The following SMCHD1 variants were observed in gnomAD, a reference collection of about 807,000 sequenced individuals.
SMCHD1 encodes the protein structural maintenance of chromosomes flexible hinge domain containing 1, also known as structural maintenance of chromosomes flexible hinge domain-containing protein 1.
In SMCHD1, 78 loss-of-function variants were observed where a neutral mutation model predicts 254.7. That is an observed-to-expected ratio of 0.31 (90% CI 0.26 to 0.37). The LOEUF is 0.37. Among genes scored for constraint, SMCHD1 ranks in the 10% least tolerant of loss-of-function variants. The pLI is 1.00. For missense variants in SMCHD1, 1,840 were observed against 2,408.1 expected (o/e 0.76, Z 4.94); for synonymous variants, 766 against 794.9 (o/e 0.96, Z 0.61).
chr18:2,751,889 C>T (rs773386966), intron 33 of SMCHD1, among the ~76,000 whole-genome samples: 7 of 151,974 alleles, frequency 4.6e-5, no homozygotes, highest in Non-Finnish European at 1.0e-4. Flanking sequence ...CAAAAGTTAC[C>T]ATTTCAACAT....
chr18:2,660,472 GTTTTTTT>G (rs547130890), intron 1 of SMCHD1, among the ~76,000 whole-genome samples: 1 of 126,184 alleles, frequency 7.9e-6, no homozygotes, highest in Admixed American at 8.2e-5. Flanking sequence ...AAAATCCATG[GTTTTTTT>G]TTTTTTTTTT....
At chr18:2,733,797 T>C (rs573974719) in intron 25 of SMCHD1, among the ~76,000 whole-genome samples, 43 of 152,380 alleles carry the variant, frequency 2.8e-4, no homozygotes, top group African/African-American at 8.9e-4. Flanking sequence ...TGTACTTTTT[T>C]CCCTTGATGT....
chr18:2,751,677 A>G (rs1046934425), intron 33 of SMCHD1, among the ~76,000 whole-genome samples: 12 of 152,114 alleles, frequency 7.9e-5, no homozygotes, highest in East Asian at 1.9e-4. Flanking sequence ...GGCAGAAGCT[A>G]TTAAATATGA....
chr18:2,769,255 TG>T (rs2075931928), intron 37 of SMCHD1, among the ~76,000 whole-genome samples: 1 of 152,164 alleles, frequency 6.6e-6, no homozygotes, highest in Non-Finnish European at 1.5e-5. Context: ...TCTATTTCCA[TG>T]TTAACAGCTG....
At chr18:2,713,714 A>T (rs1481650180) in intron 17 of SMCHD1, among the ~76,000 whole-genome samples, 1 of 152,198 alleles carries the variant, frequency 6.6e-6, no homozygotes, top group Non-Finnish European at 1.5e-5. Flanking sequence ...AAATTTTCAT[A>T]TCAATTTTAT....
At chr18:2,731,383 T>C (rs1206601017) in intron 24 of SMCHD1, among the ~76,000 whole-genome samples, 1 of 152,232 alleles carries the variant, frequency 6.6e-6, no homozygotes, top group African/African-American at 2.4e-5. Context: ...TAGCATAATC[T>C]TGGTCTTTTC....
chr18:2,800,847 A>C (rs2076348791), intron 47 of SMCHD1: 1 of 152,226 alleles, frequency 6.6e-6, no homozygotes, highest in Non-Finnish European at 1.5e-5. Context: ...ATATGAGGGT[A>C]GCCAGCAACG....
chr18:2,728,709 C>T lies in SMCHD1; in HGVS notation c.2913+113C>T, dbSNP rs9950040. On this transcript the variant is annotated intron_variant, in intron 23 of 47. Coordinates refer to ENST00000320876, the MANE Select transcript of SMCHD1 (RefSeq NM_015295.3). ...GGATTTAAGTCTGAAACGATTATTC[C>T]GTGGAAGGATTTGTGGGATCTTATT... is the stretch of plus-strand genomic sequence containing the variant. 7,567 of 1,143,118 alleles carry T rather than the reference C, an allele frequency of 6.6e-3. 349 individuals are homozygous for T. In the African/African-American group the frequency reaches 0.11, roughly 16 times the overall value. The allele number at this position is 1,143,118 out of a possible 1,614,324, so 70.8% of individuals were successfully genotyped here.
chr18:2,674,122 C>T lies in SMCHD1; in HGVS notation c.615C>T (p.Phe205=). Reference sequence around the variant, plus strand: ...GGGCCGTGTATAGGTTGTCAAAATTCACAAGGCAAGGTGACTTTGAAAGGT... The same window carrying T: ...GGGCCGTGTATAGGTTGTCAAAATTTACAAGGCAAGGTGACTTTGAAAGGT... The part of the protein sequence containing the change: ...NNWAVYRLSK[F]TRQGDFESDH... Residue 205 remains phenylalanine, a synonymous_variant, in exon 5 of 48, where the codon TTC becomes TTT. Transcript: ENST00000320876. The T allele has an allele frequency of 1.3e-6, 2 of 1,596,436 alleles. No homozygotes were observed. The highest frequency in any genetic ancestry group is 1.7e-6 in the Non-Finnish European group (2 of 1,172,806).
chr18:2,788,211 C>T (rs925096188), intron 45 of SMCHD1, among the ~76,000 whole-genome samples: 1 of 152,058 alleles, frequency 6.6e-6, no homozygotes, highest in Non-Finnish European at 1.5e-5. Flanking sequence ...AATAATTTGC[C>T]TATACGTTGT....
At chr18:2,752,385 G>T (rs190731828) in intron 33 of SMCHD1, 103 bp from the exon 34 acceptor site, 1 of 728,296 alleles carries the variant, frequency 1.4e-6, no homozygotes, top group African/African-American at 1.8e-5. Context: ...ATGGAATCCA[G>T]ATACACATTC....
intron 37 of SMCHD1, among the ~76,000 whole-genome samples, chr18:2,768,525 A>G (rs979534047): frequency 3.3e-5 from 5 of 151,796 alleles, no homozygotes; most frequent in African/African-American, 7.3e-5. Flanking sequence ...ATTTGGAGAT[A>G]TATTTTTGCT....
intron 47 of SMCHD1, among the ~76,000 whole-genome samples, chr18:2,797,840 C>G (rs1442531397): frequency 6.6e-6 from 1 of 151,860 alleles, no homozygotes; most frequent in Non-Finnish European, 1.5e-5. Flanking sequence ...TTGCTTGAAC[C>G]CAAGAAGCGG....
intron 5 of SMCHD1, among the ~76,000 whole-genome samples, chr18:2,682,969 G>C (rs1339558607): frequency 6.6e-6 from 1 of 152,204 alleles, no homozygotes; most frequent in African/African-American, 2.4e-5. Flanking sequence ...TGCTGTGATA[G>C]AGTTGTTGCC....
At chr18:2,725,092 T>TA in intron 21 of SMCHD1, 97 bp downstream of exon 21, 1 of 688,034 alleles carries the variant, frequency 1.5e-6, no homozygotes, top group Non-Finnish European at 2.2e-6. Flanking sequence ...GACCTATTTT[T>TA]AAAAAACAGA....
chr18:2,732,862 AG>A (rs2075169431), intron 25 of SMCHD1, among the ~76,000 whole-genome samples: 1 of 152,246 alleles, frequency 6.6e-6, no homozygotes, highest in African/African-American at 2.4e-5. Context: ...GATCTGTTAA[AG>A]GCAAGCAGTG....
chr18:2,728,730 T>C, intron 23 of SMCHD1, 134 bp downstream of exon 23: 2 of 878,546 alleles, frequency 2.3e-6, no homozygotes. Flanking sequence ...TTGTGGGATC[T>C]TATTGCCAAT....
At chr18:2,739,576 C>T in intron 27 of SMCHD1, 56 bp downstream of exon 27, 1 of 1,382,524 alleles carries the variant, frequency 7.2e-7, no homozygotes, top group Non-Finnish European at 1.0e-6. Context: ...GTGATGTTTC[C>T]TTCCATGGAT....
intron 28 of SMCHD1, among the ~76,000 whole-genome samples, chr18:2,742,776 A>C (rs965728862): frequency 1.2e-4 from 18 of 152,106 alleles, no homozygotes; most frequent in Non-Finnish European, 2.2e-4. Context: ...TCCTGGGCTC[A>C]AGTGATCCTC....
Sources: gnomAD v4.1 joint callset for allele counts (sites outside exome capture counted in the v4.1 genomes callset) on GRCh38, gnomAD v4.1.1 for gene constraint, MANE v1.5 for transcripts, NCBI Gene and HGNC (gene_info 2026-07-23, HGNC 2026-07-21) for gene names.